Variants in CAMK2D observed in about 807,000 individuals in gnomAD.
CAMK2D encodes calcium/calmodulin dependent protein kinase II delta.
CAMK2D carries 37 observed loss-of-function variants against 84.0 expected under a neutral mutation model. The ratio of observed to expected loss-of-function variants is 0.44; its 90% CI spans 0.34 to 0.58. The LOEUF is 0.58. Ranked by LOEUF, CAMK2D falls within the 20% of genes least tolerant of loss-of-function variation. The probability of loss-of-function intolerance (pLI) is 0.02; values close to 1 mark genes in which losing one functional copy is unlikely to be tolerated. For synonymous variants in CAMK2D, 202 were observed against 212.5 expected (o/e 0.95, Z 0.43); for missense variants, 448 against 652.5 (o/e 0.69, Z 3.41).
chr4:113,684,269 C>A (rs2099353484), intron 2 of CAMK2D, among the ~76,000 whole-genome samples: 1 of 151,938 alleles, frequency 6.6e-6, no homozygotes, highest in Non-Finnish European at 1.5e-5. Flanking sequence ...TAGAGATAAC[C>A]ACATTGGATA....
intron 4 of CAMK2D, among the ~76,000 whole-genome samples, chr4:113,603,619 A>C (rs1011686163): frequency 6.6e-6 from 1 of 151,016 alleles, no homozygotes; most frequent in African/African-American, 2.4e-5. Context: ...TGTGCAAAAG[A>C]GACTACTAAT....
At chr4:113,539,040 T>C (rs547017410) in intron 6 of CAMK2D, among the ~76,000 whole-genome samples, 1 of 152,324 alleles carries the variant, frequency 6.6e-6, no homozygotes, top group African/African-American at 2.4e-5. Flanking sequence ...TGAAATGACT[T>C]TTAGTAAAAC....
Position 113,527,302 on chromosome 4 carries a change from C to T in CAMK2D, c.601+3914G>A, listed in dbSNP as rs145714736. On this transcript the variant is annotated intron_variant, in intron 8 of 20. Coordinates refer to ENST00000511664, the MANE Select transcript of CAMK2D (RefSeq NM_001321571.2). Reference sequence around the variant, plus strand: ...TTTCTTTTTGTAGAGATGGGTCATCCTATGTTGCCCAGGCTGGTCTCAAAC... The same window carrying T: ...TTTCTTTTTGTAGAGATGGGTCATCTTATGTTGCCCAGGCTGGTCTCAAAC... 4.6e-5 allele frequency among the ~76,000 whole-genome samples: 7 copies of T among 151,630 alleles called. No homozygotes were observed. In the East Asian group the frequency reaches 9.7e-4, roughly 21 times the overall value.
intron 2 of CAMK2D, among the ~76,000 whole-genome samples, chr4:113,706,541 A>G (rs1421933580): frequency 6.6e-6 from 1 of 152,220 alleles, no homozygotes; most frequent in Non-Finnish European, 1.5e-5. Context: ...TAAACTATAT[A>G]GGCTCTGAAG....
rs546694850 is a variant in CAMK2D at position 113,509,688 on chromosome 4, A to G, written c.947-13T>C. The G allele has an allele frequency of 2.9e-5, 47 of 1,600,170 alleles. No individual in the cohort carries two copies. The highest frequency in any genetic ancestry group is 3.9e-5 in the Non-Finnish European group (46 of 1,167,488). On this transcript the variant is annotated splice_polypyrimidine_tract_variant and intron_variant, in intron 12 of 20. Transcript: ENST00000511664. ...AAACTCTTGGCTGCTGTAAAATGAG[A>G]GTAAAATCAGTTTAGTGAGTTATCC...
intron 4 of CAMK2D, among the ~76,000 whole-genome samples, chr4:113,587,148 A>C (rs1341120542): frequency 6.6e-6 from 1 of 152,124 alleles, no homozygotes; most frequent in Non-Finnish European, 1.5e-5. Context: ...AAAGCAAATA[A>C]ACTCTCCTCC....
intron 3 of CAMK2D, among the ~76,000 whole-genome samples, chr4:113,611,002 G>T (rs531320981): frequency 6.6e-6 from 1 of 151,282 alleles, no homozygotes; most frequent in African/African-American, 2.4e-5. Flanking sequence ...TTTTGGGATG[G>T]AAATTTTCAC....
At chr4:113,666,047 T>A (rs1561698914) in intron 2 of CAMK2D, among the ~76,000 whole-genome samples, 1 of 152,232 alleles carries the variant, frequency 6.6e-6, no homozygotes, top group East Asian at 1.9e-4. Flanking sequence ...AATTCAGACC[T>A]AATGAAGTAA....
chr4:113,461,599 G>C (rs183297709), intron 17 of CAMK2D, among the ~76,000 whole-genome samples: 1 of 152,260 alleles, frequency 6.6e-6, no homozygotes, highest in East Asian at 1.9e-4. Flanking sequence ...ATTTCCTTTG[G>C]GCCTATGGTG....
intron 12 of CAMK2D, among the ~76,000 whole-genome samples, chr4:113,511,507 T>TTAAA (rs2098214564): frequency 6.6e-6 from 1 of 152,196 alleles, no homozygotes; most frequent in Admixed American, 6.5e-5. Flanking sequence ...TGTACAGTTT[T>TTAAA]AAATGTGAAG....
At chr4:113,603,683 T>G (rs1375114540) in intron 4 of CAMK2D, among the ~76,000 whole-genome samples, 1 of 148,068 alleles carries the variant, frequency 6.8e-6, no homozygotes, top group South Asian at 2.1e-4. Context: ...AAATTTAAAA[T>G]AGCAAGAAAT....
chr4:113,536,483 T>C (rs2098491682), intron 7 of CAMK2D, among the ~76,000 whole-genome samples: 1 of 152,224 alleles, frequency 6.6e-6, no homozygotes, highest in Admixed American at 6.5e-5. Context: ...GTCCTCTATT[T>C]GTTGTTGTTG....
chr4:113,564,987 T>C (rs540285822), intron 4 of CAMK2D, among the ~76,000 whole-genome samples: 8 of 152,336 alleles, frequency 5.3e-5, no homozygotes, highest in South Asian at 4.1e-4. Flanking sequence ...TTTCAAAGCA[T>C]ACATGCTTGG....
At chr4:113,630,550 C>A (rs537900290) in intron 3 of CAMK2D, among the ~76,000 whole-genome samples, 43 of 152,266 alleles carry the variant, frequency 2.8e-4, no homozygotes, top group South Asian at 2.1e-4. Context: ...AGCTTCAGAA[C>A]TAGCCTGATG....
intron 3 of CAMK2D, among the ~76,000 whole-genome samples, chr4:113,650,335 T>C (rs944734469): frequency 6.6e-6 from 1 of 151,394 alleles, no homozygotes; most frequent in African/African-American, 2.4e-5. Flanking sequence ...CTGGCCAACA[T>C]GGTGAAACCC....
chr4:113,760,131 G>A (rs986318392), intron 1 of CAMK2D, among the ~76,000 whole-genome samples: 2 of 152,134 alleles, frequency 1.3e-5, no homozygotes, highest in African/African-American at 4.8e-5. Flanking sequence ...TTGGGTTTGG[G>A]TTCCATGCTA....
intron 4 of CAMK2D, among the ~76,000 whole-genome samples, chr4:113,573,033 G>C (rs558111337): frequency 1.2e-4 from 19 of 152,184 alleles, no homozygotes; most frequent in Non-Finnish European, 2.1e-4. Flanking sequence ...CAGATACTGG[G>C]GTCTACTTGA....
At chr4:113,712,447 A>G (rs1032637873) in intron 2 of CAMK2D, among the ~76,000 whole-genome samples, 17 of 152,122 alleles carry the variant, frequency 1.1e-4, no homozygotes, top group Non-Finnish European at 1.9e-4. Context: ...ATATACTTCT[A>G]TTTAAAGACT....
intron 16 of CAMK2D, among the ~76,000 whole-genome samples, chr4:113,478,349 G>A (rs1243695140): frequency 1.3e-5 from 2 of 152,178 alleles, no homozygotes; most frequent in East Asian, 3.8e-4. Context: ...AGGTACAGAT[G>A]TTTACACACA....
Sources: gnomAD v4.1 joint callset for allele counts (sites outside exome capture counted in the v4.1 genomes callset) on GRCh38, gnomAD v4.1.1 for gene constraint, MANE v1.5 for transcripts, NCBI Gene and HGNC (gene_info 2026-07-23, HGNC 2026-07-21) for gene names.